Variants in RINT1 observed in about 807,000 individuals in gnomAD.
RINT1 encodes the protein RAD50 interactor 1, also known as RAD50-interacting protein 1.
RINT1 carries 75 observed loss-of-function variants against 97.7 expected under a neutral mutation model. The ratio of observed to expected loss-of-function variants is 0.77; its 90% CI spans 0.64 to 0.93. The LOEUF (loss-of-function observed/expected upper bound fraction) is 0.93. Among genes scored for constraint, RINT1 ranks in the 40% least tolerant of loss-of-function variants. RINT1 has a pLI of 0.00. For synonymous variants in RINT1, 303 were observed against 326.3 expected (o/e 0.93, Z 0.77); for missense variants, 892 against 925.2 (o/e 0.96, Z 0.47).
At position 105,565,309 on chromosome 7, in the gene RINT1, C is replaced by G; in HGVS notation, c.1919C>G (p.Ala640Gly). The change falls in exon 13 of 15, where the codon GCA (alanine) becomes GGA (glycine). Residue 640 changes from alanine to glycine, a missense_variant. By Grantham distance (60) the Ala-to-Gly change is moderately conservative. Coordinates refer to ENST00000257700, the MANE Select transcript of RINT1 (RefSeq NM_021930.6). Reference protein sequence around the residue: ...WLSLPSQSEQAVMSLSSSACP... With the variant: ...WLSLPSQSEQGVMSLSSSACP... ...TCCTTGCCATCTCAGTCAGAGCAGG[C>G]AGTGATGTCCCTGTCCAGTTCGGCT... 6.2e-7 allele frequency: 1 copy of G among 1,613,014 alleles called. No homozygotes were observed. Among genetic ancestry groups the G allele is most frequent in the Non-Finnish European group, 8.5e-7 (1 of 1,179,104 alleles).
chr7:105,567,165 C>A lies in RINT1; in HGVS notation c.2233C>A (p.Leu745Ile), dbSNP rs1227583909. The A allele has an allele frequency of 1.9e-6, 3 of 1,603,222 alleles. No individual in the cohort carries two copies. The highest frequency in any genetic ancestry group is 2.5e-6 in the Non-Finnish European group (3 of 1,177,080). ...TTTGAATTTGAACGTCGGTTCTGCACTACTGCTGAAAGATGTACTGCAGTC... is the reference window on the plus strand; with the variant it reads ...TTTGAATTTGAACGTCGGTTCTGCAATACTGCTGAAAGATGTACTGCAGTC... ...IVLNLNVGSA[L>I]LLKDVLQSAS... Residue 745 changes from leucine to isoleucine, a missense_variant, in exon 15 of 15, where the codon CTA becomes ATA. By Grantham distance (5) the Leu-to-Ile change is conservative. Transcript: ENST00000257700.
chr7:105,553,748 T>C (rs1323931864), intron 10 of RINT1, among the ~76,000 whole-genome samples: 1 of 148,016 alleles, frequency 6.8e-6, no homozygotes, highest in South Asian at 2.2e-4. Context: ...TGAGACAGAG[T>C]CTCGCTCTGT....
intron 14 of RINT1, 95 bp from the exon 15 acceptor site, chr7:105,567,024 G>A: frequency 1.6e-6 from 1 of 639,944 alleles, no homozygotes; most frequent in Non-Finnish European, 2.5e-6. Flanking sequence ...ATGTGGACCA[G>A]CAGTGCAGAG....
At chr7:105,562,653 C>A (rs1327176486) in intron 11 of RINT1, among the ~76,000 whole-genome samples, 20 of 152,092 alleles carry the variant, frequency 1.3e-4, no homozygotes, top group Admixed American at 1.3e-3. Flanking sequence ...AATCCCAGAA[C>A]TTTGGGAGGC....
intron 2 of RINT1, among the ~76,000 whole-genome samples, chr7:105,533,435 G>A (rs1346846310): frequency 6.6e-6 from 1 of 152,124 alleles, no homozygotes; most frequent in African/African-American, 2.4e-5. Flanking sequence ...GTGGACTTTT[G>A]CCATTTTACT....
Position 105,547,051 on chromosome 7 carries a change from C to G in RINT1, c.657C>G (p.Phe219Leu). The change falls in exon 5 of 15, where the codon TTC (phenylalanine) becomes TTG (leucine). Residue 219 changes from phenylalanine to leucine, a missense_variant. Phe to Leu is a conservative substitution (Grantham distance 22). Coordinates refer to ENST00000257700, the MANE Select transcript of RINT1 (RefSeq NM_021930.6). ...LLGFMRATVKFWHKILKDKLT... is the reference protein window; with the variant it reads ...LLGFMRATVKLWHKILKDKLT... ...GTTTCATGAGAGCCACAGTTAAATT[C>G]TGGCATAAAATTCTCAAGGACAAGC... 6.2e-7 allele frequency: 1 copy of G among 1,613,682 alleles called. No individual in the cohort carries two copies. Among genetic ancestry groups the G allele is most frequent in the Non-Finnish European group, 8.5e-7 (1 of 1,179,916 alleles).
At chr7:105,560,020 G>A (rs1216562163) in intron 11 of RINT1, among the ~76,000 whole-genome samples, 1 of 152,192 alleles carries the variant, frequency 6.6e-6, no homozygotes, top group Non-Finnish European at 1.5e-5. Flanking sequence ...ACTGGCCTAA[G>A]TTGGGATGTG....
chr7:105,561,817 C>T (rs779509031), intron 11 of RINT1, among the ~76,000 whole-genome samples: 2 of 152,074 alleles, frequency 1.3e-5, no homozygotes, highest in Non-Finnish European at 2.9e-5. Flanking sequence ...CTGCGTCAGC[C>T]TCCCAAAGTG....
chr7:105,548,243 C>T (rs908713035), intron 6 of RINT1, among the ~76,000 whole-genome samples: 5 of 151,944 alleles, frequency 3.3e-5, no homozygotes, highest in African/African-American at 4.8e-5. Context: ...TGCCTAGGCA[C>T]GTCTCAAATT....
intron 11 of RINT1, among the ~76,000 whole-genome samples, chr7:105,558,996 C>T (rs887662724): frequency 6.6e-5 from 10 of 151,998 alleles, no homozygotes; most frequent in Non-Finnish European, 1.2e-4. Flanking sequence ...CCTTAGAAAA[C>T]GTATAATCTC....
intron 11 of RINT1, among the ~76,000 whole-genome samples, chr7:105,559,231 C>T (rs546932240): frequency 6.6e-6 from 1 of 152,094 alleles, no homozygotes; most frequent in South Asian, 2.1e-4. Context: ...CCCGTCTTTA[C>T]TAAAAATACA....
chr7:105,556,090 G>A (rs1185684809), intron 11 of RINT1, among the ~76,000 whole-genome samples: 1 of 149,330 alleles, frequency 6.7e-6, no homozygotes, highest in Non-Finnish European at 1.5e-5. Flanking sequence ...TTTTGTGACA[G>A]AGTTTCGCTC....
At position 105,565,586 on chromosome 7, in the gene RINT1, G is replaced by C; in HGVS notation, c.2124G>C (p.Met708Ile). 2 of 1,613,954 alleles carry C rather than the reference G, an allele frequency of 1.2e-6. No homozygotes were observed. The highest frequency in any genetic ancestry group is 1.7e-6 in the Non-Finnish European group (2 of 1,179,950). Reference protein sequence around the residue: ...EGGAAQLQFDMTRNLFPLFSH... With the variant: ...EGGAAQLQFDITRNLFPLFSH... ...GAGCAGCCCAGCTGCAGTTTGATAT[G>C]ACTCGGAATCTTTTCCCTTTGTTTT... Residue 708 changes from methionine (M) to isoleucine (I), a missense_variant, in exon 14 of 15, where the codon ATG becomes ATC. Transcript: ENST00000257700.
At chr7:105,565,173 C>A in intron 12 of RINT1, 104 bp from the exon 13 acceptor site, 2 of 930,044 alleles carry the variant, frequency 2.2e-6, no homozygotes, top group Non-Finnish European at 3.1e-6. Flanking sequence ...TTTTTCTTAT[C>A]CAAAATGCCC....
chr7:105,557,198 A>G (rs1413464925), intron 11 of RINT1, among the ~76,000 whole-genome samples: 2 of 152,052 alleles, frequency 1.3e-5, no homozygotes, highest in Admixed American at 1.3e-4. Context: ...TTAATATAAA[A>G]TATATAATTG....
At chr7:105,542,769 C>T in intron 4 of RINT1, 120 bp downstream of exon 4, 1 of 1,055,124 alleles carries the variant, frequency 9.5e-7, no homozygotes, top group South Asian at 2.7e-5. Context: ...ATAATTTTAC[C>T]AGTTGTTGTG....
intron 1 of RINT1, 29 bp downstream of exon 1, chr7:105,532,386 G>A (rs1431034220): frequency 1.6e-5 from 26 of 1,592,608 alleles, no homozygotes; most frequent in Non-Finnish European, 2.2e-5. Context: ...CCCTGGGAGG[G>A]GACATTGGTG....
intron 3 of RINT1, among the ~76,000 whole-genome samples, chr7:105,539,309 T>G (rs1721499): frequency 0.027 from 4,159 of 151,882 alleles, 191 homozygotes; most frequent in African/African-American, 0.095. Flanking sequence ...CCAAGTCATC[T>G]GAGTTCAGCC....
Position 105,547,031 on chromosome 7 carries a change from A to G in RINT1, c.637A>G (p.Met213Val), listed in dbSNP as rs1193018133. 4.3e-6 allele frequency: 7 copies of G among 1,614,068 alleles called. No homozygotes were observed. The highest frequency in any genetic ancestry group is 5.9e-6 in the Non-Finnish European group (7 of 1,179,978). The change falls in exon 5 of 15, where the codon ATG (methionine) becomes GTG (valine). Residue 213 changes from methionine to valine, a missense_variant. Physicochemically the swap from Met to Val is conservative, Grantham distance 21 (BLOSUM62 1). Transcript: ENST00000257700. ...ATCTTGTACTCATCTTCTTGGTTTC[A>G]TGAGAGCCACAGTTAAATTCTGGCA... ...ESSCTHLLGF[M>V]RATVKFWHKI...
Sources: allele counts gnomAD v4.1 joint callset (sites outside exome capture counted in the v4.1 genomes callset), GRCh38; gene constraint gnomAD v4.1.1; transcripts MANE v1.5; gene names NCBI Gene and HGNC (gene_info 2026-07-23, HGNC 2026-07-21).